Variants in TRABD observed in about 807,000 individuals in gnomAD.
The protein encoded by TRABD is traB domain-containing protein.
A neutral mutation model predicts 39.6 loss-of-function variants in TRABD; 23 were observed. The observed-to-expected ratio is 0.58, with a 90% CI of 0.42 to 0.82. The LOEUF (loss-of-function observed/expected upper bound fraction) is 0.82. Ranked by LOEUF, TRABD falls within the 40% of genes least tolerant of loss-of-function variation. The pLI, the probability that TRABD is intolerant of heterozygous loss-of-function variation, is 0.00. For synonymous variants in TRABD, 243 were observed against 232.1 expected, an observed-to-expected ratio of 1.05 and a Z score of -0.43; for missense variants, 487 against 544.9, an observed-to-expected ratio of 0.89 and a Z score of 1.06.
intron 2 of TRABD, 23 bp from the exon 3 acceptor site, chr22:50,193,553 T>G: frequency 6.2e-7 from 1 of 1,612,824 alleles, no homozygotes; most frequent in Non-Finnish European, 8.5e-7. Context: ...GACCCTGACT[T>G]GAACTCTCCT....
chr22:50,193,992 G>A (rs964302753), intron 3 of TRABD, among the ~76,000 whole-genome samples: 4 of 10,564 alleles, frequency 3.8e-4, no homozygotes, highest in African/African-American at 3.4e-3. Flanking sequence ...GGCCCATTTC[G>A]CCTCAGAGCC....
At position 50,195,754 on chromosome 22, in the gene TRABD, G is replaced by A. The variant is rs138546553; in HGVS notation, c.420+714G>A. On this transcript the variant is annotated intron_variant, in intron 5 of 9. Transcript: ENST00000380909. ...GCTGGGAATACAGGCATGAGCCACCGCGCCCGGCCAGGCTTTGTGTTTTCA... is the reference window on the plus strand; with the variant it reads ...GCTGGGAATACAGGCATGAGCCACCACGCCCGGCCAGGCTTTGTGTTTTCA... Among the ~76,000 whole-genome samples the A allele has an allele frequency of 9.6e-3, 1,468 of 152,220 alleles. 13 individuals are homozygous for A. The highest frequency in any genetic ancestry group is 0.013 in the Non-Finnish European group (891 of 67,998).
chr22:50,195,130 C>T, intron 5 of TRABD, 90 bp downstream of exon 5: 1 of 1,450,538 alleles, frequency 6.9e-7, no homozygotes, highest in Non-Finnish European at 9.1e-7. Flanking sequence ...AGCCCATGCC[C>T]CCAGTCAGTG....
intron 1 of TRABD, among the ~76,000 whole-genome samples, chr22:50,186,272 G>A (rs2063754427): frequency 6.9e-6 from 1 of 145,902 alleles, no homozygotes; most frequent in Admixed American, 6.7e-5. Flanking sequence ...GGGTCGTTGG[G>A]GGCCGGGCCC....
chr22:50,197,771 C>T (rs2064170540), intron 7 of TRABD, 52 bp from the exon 8 acceptor site: 1 of 1,347,208 alleles, frequency 7.4e-7, no homozygotes, highest in South Asian at 1.2e-5. Flanking sequence ...CCAGCCCCAC[C>T]CCCCCAGCCC....
At position 50,197,310 on chromosome 22, in the gene TRABD, G is replaced by A. The variant is rs1028357928; in HGVS notation, c.490G>A (p.Gly164Ser). 2.5e-6 allele frequency: 4 copies of A among 1,613,888 alleles called. No individual in the cohort carries two copies. The South Asian group carries it at 4.4e-5, about 18-fold the overall frequency. The change falls in exon 6 of 10, where the codon GGC becomes AGC. Residue 164 changes from glycine to serine, a missense_variant. Transcript: ENST00000380909. ...KVSAHITEQLGMAPGGEFREA... is the reference protein window; with the variant it reads ...KVSAHITEQLSMAPGGEFREA... ...GTCTGCACACATCACCGAGCAGCTG[G>A]GCATGGCCCCAGGTGGCGAGTTCAG...
At position 50,197,472 on chromosome 22, in the gene TRABD, G is replaced by A. The variant is rs2064156597; in HGVS notation, c.555G>A (p.Lys185=). The A allele has an allele frequency of 6.2e-7, 1 of 1,613,886 alleles. No individual in the cohort carries two copies. Among genetic ancestry groups the A allele is most frequent in the Non-Finnish European group, 8.5e-7 (1 of 1,180,014 alleles). Residue 185 remains lysine (K), a synonymous_variant, in exon 7 of 10, where the codon AAG becomes AAA. Coordinates refer to ENST00000380909, the MANE Select transcript of TRABD (RefSeq NM_001320485.2). ...FKEASKVPFC[K]FHLGDRPIPV... ...AGGCCAGCAAGGTGCCTTTCTGCAA[G>A]TTCCACCTGGGTGACCGACCCATCC...
Position 50,198,287 on chromosome 22 carries a change from G to C in TRABD, c.957-58G>C. 3 of 1,514,308 alleles carry C rather than the reference G, an allele frequency of 2.0e-6. No homozygotes were observed. Among genetic ancestry groups the C allele is most frequent in the Non-Finnish European group, 2.7e-6 (3 of 1,115,352 alleles). The allele number at this position is 1,514,308 out of a possible 1,614,324, so 93.8% of individuals were successfully genotyped here. A position where few individuals can be genotyped will look rare whatever the true frequency, so the allele number is the denominator to read the frequency against. ...ACATGCGGCAGTGACCCAGGCATGG[G>C]GGCTGGGGTATGGGGAGCCCACCCC... On this transcript the variant is annotated intron_variant, in intron 9 of 9. Transcript: ENST00000380909. This position sits in a 1 kb window ranked among gnomAD's most constrained non-coding sequence, Gnocchi z 7.9.
At chr22:50,193,195 A>C (rs921192185) in intron 2 of TRABD, 102 bp downstream of exon 2, 2 of 1,361,362 alleles carry the variant, frequency 1.5e-6, no homozygotes, top group South Asian at 2.9e-5. Flanking sequence ...TGCAAAGGTG[A>C]TCTTCACAGG....
chr22:50,193,132 CG>C (rs995737583), intron 2 of TRABD, 39 bp downstream of exon 2: 2 of 1,518,152 alleles, frequency 1.3e-6, no homozygotes. Flanking sequence ...GAGACAGGGG[CG>C]GGGGGCTTCC....
intron 1 of TRABD, among the ~76,000 whole-genome samples, chr22:50,191,443 C>T (rs73187247): frequency 0.11 from 17,121 of 152,266 alleles, 1,031 homozygotes; most frequent in South Asian, 0.22. Context: ...GAGGTCTGTG[C>T]CTGCTGTGGC....
chr22:50,197,477 A>G lies in TRABD; in HGVS notation c.560A>G (p.His187Arg), dbSNP rs1404753452. 1 of 1,613,626 alleles carries G rather than the reference A, an allele frequency of 6.2e-7. No individual in the cohort carries two copies. The highest frequency in any genetic ancestry group is 2.2e-5 in the East Asian group (1 of 44,866). ...AGCAAGGTGCCTTTCTGCAAGTTCC[A>G]CCTGGGTGACCGACCCATCCCCGTC... is the stretch of plus-strand genomic sequence containing the variant. ...EASKVPFCKFHLGDRPIPVTF... is the reference protein window; with the variant it reads ...EASKVPFCKFRLGDRPIPVTF... Residue 187 changes from histidine to arginine, a missense_variant, in exon 7 of 10, where the codon CAC becomes CGC. Coordinates refer to ENST00000380909, the MANE Select transcript of TRABD (RefSeq NM_001320485.2).
chr22:50,196,820 G>A (rs182656765), intron 5 of TRABD: 9 of 160,034 alleles, frequency 5.6e-5, no homozygotes, highest in Admixed American at 1.9e-4. Context: ...TCAGCCTCCC[G>A]AGTAGCTGGG....
At chr22:50,194,556 T>C (rs1362853993) in intron 4 of TRABD, 50 bp downstream of exon 4, 9 of 1,553,026 alleles carry the variant, frequency 5.8e-6, no homozygotes, top group Non-Finnish European at 7.8e-6. Flanking sequence ...TGTAAGCTCC[T>C]GTGTCCTGCA....
rs1319868613 is a variant in TRABD at position 50,198,471 on chromosome 22, C to CGCCGCGCAGTACTGCCT, written c.1086_1102dup (p.Gln368ProfsTer9). ...CCGCGAGCCTGGTCCTGTCGCTGCC[C>CGCCGCGCAGTACTGCCT]GCCGCGCAGTACTGCCTGCAGAGGG... On this transcript the variant is annotated frameshift_variant, in exon 10 of 10. Coordinates refer to ENST00000380909, the MANE Select transcript of TRABD (RefSeq NM_001320485.2). LOFTEE classifies it high-confidence loss of function. This position sits in a 1 kb window ranked among gnomAD's most constrained non-coding sequence, Gnocchi z 7.9. 5 of 1,594,928 alleles carry CGCCGCGCAGTACTGCCT rather than the reference C, an allele frequency of 3.1e-6. No homozygotes were observed. Among genetic ancestry groups the CGCCGCGCAGTACTGCCT allele is most frequent in the African/African-American group, 1.3e-5 (1 of 74,712 alleles).
rs1338122083 is a variant in TRABD at position 50,194,494 on chromosome 22, G to A, written c.267G>A (p.Arg89=). The A allele has an allele frequency of 6.3e-7, 1 of 1,580,884 alleles. No homozygotes were observed. Among genetic ancestry groups the A allele is most frequent in the Middle Eastern group, 1.7e-4 (1 of 6,026 alleles). Residue 89 remains arginine, a synonymous_variant, in exon 4 of 10, where the codon AGG becomes AGA. Transcript: ENST00000380909. ...GTAHFSDDSK[R]DVVKTIREVQ... is the part of the protein sequence containing the mutation. Reference sequence around the variant, plus strand: ...CCCACTTCAGCGACGACAGCAAGAGGGACGTTGTGAAGGTGAGCGCCGCCA... The same window carrying A: ...CCCACTTCAGCGACGACAGCAAGAGAGACGTTGTGAAGGTGAGCGCCGCCA...
intron 7 of TRABD, 90 bp from the exon 8 acceptor site, chr22:50,197,733 C>T (rs1333150417): frequency 7.0e-6 from 11 of 1,575,718 alleles, no homozygotes; most frequent in Non-Finnish European, 8.7e-7. Flanking sequence ...AACAAACGTG[C>T]TGTGGTCCCT....
intron 1 of TRABD, among the ~76,000 whole-genome samples, chr22:50,186,582 G>A (rs1379635806): frequency 6.6e-6 from 1 of 152,148 alleles, no homozygotes; most frequent in Non-Finnish European, 1.5e-5. Flanking sequence ...CTGCGGTGGA[G>A]CCGGCCGAGG....
At position 50,197,553 on chromosome 22, in the gene TRABD, G is replaced by T; in HGVS notation, c.636G>T (p.Leu212=). 6.2e-7 allele frequency: 1 copy of T among 1,613,472 alleles called. No individual in the cohort carries two copies. The highest frequency in any genetic ancestry group is 1.3e-5 in the African/African-American group (1 of 75,028). ...AALSFWQKVR[L]AWGLCFLSDP... ...TCTCCTTCTGGCAGAAGGTCAGGCTGGCTTGGGGCCTGTGCTTCCTGTCAG... is the reference window on the plus strand; with the variant it reads ...TCTCCTTCTGGCAGAAGGTCAGGCTTGCTTGGGGCCTGTGCTTCCTGTCAG... The change falls in exon 7 of 10, where the codon CTG becomes CTT. Residue 212 remains leucine, a synonymous_variant. Coordinates refer to ENST00000380909, the MANE Select transcript of TRABD (RefSeq NM_001320485.2).
Sources: gnomAD v4.1 joint callset for allele counts (sites outside exome capture counted in the v4.1 genomes callset) on GRCh38, gnomAD v4.1.1 for gene constraint, Gnocchi (gnomAD v3.1) non-coding constraint, MANE v1.5 for transcripts, NCBI Gene and HGNC (gene_info 2026-07-23, HGNC 2026-07-21) for gene names.